The following FRMPD3 variants were observed in gnomAD, a reference collection of about 807,000 sequenced individuals.
FRMPD3 encodes the protein FERM and PDZ domain-containing protein 3.
In FRMPD3, 42 loss-of-function variants were observed where a neutral mutation model predicts 97.9. The ratio of observed to expected loss-of-function variants is 0.43; its 90% CI spans 0.34 to 0.55. The LOEUF (loss-of-function observed/expected upper bound fraction) is 0.55. FRMPD3 is among the 20% of genes least tolerant of loss of function. FRMPD3 has a pLI of 0.03. For missense variants in FRMPD3, 1,303 were observed against 1,457.7 expected, an observed-to-expected ratio of 0.89 and a Z score of 1.73; for synonymous variants, 577 against 581.1, an observed-to-expected ratio of 0.99 and a Z score of 0.10.
At chrX:107,486,413 A>G (rs1227043270) in intron 1 of FRMPD3, among the ~76,000 whole-genome samples, 1 of 112,688 alleles carries the variant, frequency 8.9e-6, no homozygotes. Flanking sequence ...TGTCCTCCAA[A>G]GACCTTTGTT....
chrX:107,545,698 A>G (rs1229481959), intron 4 of FRMPD3, 39 bp from the exon 5 acceptor site: 6 of 1,085,774 alleles, frequency 5.5e-6, no homozygotes, highest in Non-Finnish European at 6.4e-6. Context: ...GGCTTTCCCT[A>G]GATATGGAGA....
At chrX:107,528,387 G>A (rs1482904675) in intron 2 of FRMPD3, among the ~76,000 whole-genome samples, 1 of 111,663 alleles carries the variant, frequency 9.0e-6, no homozygotes, top group Admixed American at 9.5e-5. Context: ...CCATAAAGGA[G>A]GTTGAGTTCC....
At chrX:107,524,127 C>G (rs1307741504) in intron 1 of FRMPD3, among the ~76,000 whole-genome samples, 1 of 112,277 alleles carries the variant, frequency 8.9e-6, no homozygotes, top group Non-Finnish European at 1.9e-5. Flanking sequence ...TGGCAGGAAG[C>G]AAAGGGCTCA....
intron 1 of FRMPD3, among the ~76,000 whole-genome samples, chrX:107,464,612 G>A (rs1461187023): frequency 9.0e-6 from 1 of 111,542 alleles, no homozygotes; most frequent in African/African-American, 3.3e-5. Context: ...AGTACTCCTG[G>A]AGTACTCAGA....
intron 11 of FRMPD3, among the ~76,000 whole-genome samples, chrX:107,564,554 T>G (rs1650510693): frequency 8.9e-6 from 1 of 112,065 alleles, no homozygotes; most frequent in African/African-American, 3.2e-5. Context: ...CCCTGGGGCT[T>G]GGAAGGGGAG....
intron 2 of FRMPD3, among the ~76,000 whole-genome samples, chrX:107,529,396 G>T (rs1202093844): frequency 9.0e-6 from 1 of 110,581 alleles, no homozygotes; most frequent in Non-Finnish European, 1.9e-5. Context: ...ACCACTCTGG[G>T]CAACATGATG....
At chrX:107,542,937 C>G (rs975013213) in intron 4 of FRMPD3, among the ~76,000 whole-genome samples, 3 of 111,863 alleles carry the variant, frequency 2.7e-5, no homozygotes, top group African/African-American at 9.8e-5. Flanking sequence ...TCCATTCTTT[C>G]AGTTGAAGTC....
At chrX:107,492,931 A>G (rs1001226298) in intron 1 of FRMPD3, among the ~76,000 whole-genome samples, 2 of 110,770 alleles carry the variant, frequency 1.8e-5, no homozygotes, top group African/African-American at 3.3e-5. Flanking sequence ...TAATCCCAGC[A>G]CTTTGGGAGA....
chrX:107,590,118 G>GCACT (rs931399853), intron 13 of FRMPD3, among the ~76,000 whole-genome samples: 2 of 112,559 alleles, frequency 1.8e-5, no homozygotes, highest in African/African-American at 6.5e-5. Context: ...TCATGCCACT[G>GCACT]CACTCCAGCC....
intron 1 of FRMPD3, among the ~76,000 whole-genome samples, chrX:107,462,901 A>G (rs1194174815): frequency 9.0e-6 from 1 of 111,528 alleles, no homozygotes; most frequent in African/African-American, 3.3e-5. Context: ...AAGCCAGCCA[A>G]TGTACCATCT....
chrX:107,502,231 GA>G (rs1289334547), intron 1 of FRMPD3, among the ~76,000 whole-genome samples: 1 of 110,721 alleles, frequency 9.0e-6, no homozygotes, highest in Non-Finnish European at 1.9e-5. Context: ...GCAGAGGGAG[GA>G]AAGAGAGGGG....
intron 1 of FRMPD3, among the ~76,000 whole-genome samples, chrX:107,510,524 G>T (rs755521181): frequency 2.7e-5 from 3 of 111,838 alleles, no homozygotes; most frequent in East Asian, 5.6e-4. Context: ...CTACCAACGT[G>T]GGGGAGGTAC....
chrX:107,518,113 G>C (rs1922402265), intron 1 of FRMPD3, among the ~76,000 whole-genome samples: 1 of 111,377 alleles, frequency 9.0e-6, no homozygotes, highest in Non-Finnish European at 1.9e-5. Flanking sequence ...AAAATAAAAA[G>C]GAACTTGAAG....
chrX:107,467,153 G>A (rs2147890350), intron 1 of FRMPD3, among the ~76,000 whole-genome samples: 1 of 112,310 alleles, frequency 8.9e-6, no homozygotes, highest in East Asian at 2.8e-4. Flanking sequence ...AGGATCACAA[G>A]AAGTCACTTG....
chrX:107,586,942 A>G (rs1237566026), intron 13 of FRMPD3, among the ~76,000 whole-genome samples: 1 of 111,908 alleles, frequency 8.9e-6, no homozygotes, highest in Non-Finnish European at 1.9e-5. Context: ...TGGGGTGGAG[A>G]GTTCTGTAGA....
rs760785404 is a variant in FRMPD3 at position 107,564,964 on chromosome X, C to T, written c.1194C>T (p.Asn398=). The change falls in exon 12 of 15, where the codon AAC becomes AAT. Residue 398 remains asparagine, a synonymous_variant. Coordinates refer to ENST00000683843, the MANE Select transcript of FRMPD3 (RefSeq NM_001388459.1). ...GCCATGTTATTGACCTCAAAACCAA[C>T]CTCACCACTGTGCTGTCCGAGTTCA... ...GISHVIDLKT[N]LTTVLSEFSK... 7.4e-6 allele frequency: 9 copies of T among 1,210,415 alleles called. No individual in the cohort carries two copies. The highest frequency in any genetic ancestry group is 7.0e-5 in the South Asian group (4 of 56,920).
chrX:107,524,858 C>A lies in FRMPD3; in HGVS notation c.-7-1724C>A, dbSNP rs181412473. 1.5e-4 allele frequency among the ~76,000 whole-genome samples: 16 copies of A among 109,287 alleles called. No homozygotes were observed. In the East Asian group the frequency reaches 4.6e-3, roughly 32 times the overall value. The allele number at this position is 109,287 out of a possible 115,157, so 94.9% of individuals were successfully genotyped here. ...AAATATAAAAATTAGCCAGGCAGGG[C>A]AGCACACGCCTGTAATCCCAGCTAC... On this transcript the variant is annotated intron_variant, in intron 1 of 14. Coordinates refer to ENST00000683843, the MANE Select transcript of FRMPD3 (RefSeq NM_001388459.1).
intron 1 of FRMPD3, among the ~76,000 whole-genome samples, chrX:107,471,930 G>A (rs756181377): frequency 8.9e-6 from 1 of 112,168 alleles, no homozygotes; most frequent in African/African-American, 3.2e-5. Flanking sequence ...GTATAAAAGC[G>A]TTCCTATTTC....
chrX:107,533,705 A>G (rs1456734264), intron 4 of FRMPD3, among the ~76,000 whole-genome samples, 155 bp downstream of exon 4: 2 of 111,976 alleles, frequency 1.8e-5, no homozygotes, highest in African/African-American at 6.5e-5. Flanking sequence ...TACCTTCTGA[A>G]CAGCATGTCT....
Sources: allele counts gnomAD v4.1 joint callset (sites outside exome capture counted in the v4.1 genomes callset), GRCh38; gene constraint gnomAD v4.1.1; transcripts MANE v1.5; gene names NCBI Gene and HGNC (gene_info 2026-07-23, HGNC 2026-07-21).